Variants in ADAMTSL3 observed in about 807,000 individuals in gnomAD.
The protein encoded by ADAMTSL3 is ADAMTS like 3.
A neutral mutation model predicts 201.7 loss-of-function variants in ADAMTSL3; 128 were observed. The ratio of observed to expected loss-of-function variants is 0.63; its 90% CI spans 0.55 to 0.73. The LOEUF is 0.73. Among genes scored for constraint, ADAMTSL3 ranks in the 30% least tolerant of loss-of-function variants. ADAMTSL3 has a pLI of 0.00. For synonymous variants in ADAMTSL3, 738 were observed against 748.4 expected (o/e 0.99, Z 0.23); for missense variants, 1,990 against 2,119.6 (o/e 0.94, Z 1.20).
intron 2 of ADAMTSL3, among the ~76,000 whole-genome samples, chr15:83,660,754 T>C (rs1346818588): frequency 6.6e-6 from 1 of 152,198 alleles, no homozygotes; most frequent in East Asian, 1.9e-4. Flanking sequence ...TGATGGTAGT[T>C]TCTTTTGCCG....
At chr15:83,753,903 T>C (rs1473526947) in intron 3 of ADAMTSL3, among the ~76,000 whole-genome samples, 1 of 152,226 alleles carries the variant, frequency 6.6e-6, no homozygotes, top group African/African-American at 2.4e-5. Flanking sequence ...GTTTGCGTTG[T>C]TATAACTTTA....
At chr15:83,853,180 A>T (rs2064656592) in intron 7 of ADAMTSL3, among the ~76,000 whole-genome samples, 1 of 152,170 alleles carries the variant, frequency 6.6e-6, no homozygotes, top group Admixed American at 6.5e-5. Flanking sequence ...TTAAAAGTTC[A>T]TTCCAACATA....
At chr15:83,997,900 C>A (rs1049780796) in intron 23 of ADAMTSL3, among the ~76,000 whole-genome samples, 1 of 151,960 alleles carries the variant, frequency 6.6e-6, no homozygotes, top group East Asian at 1.9e-4. Flanking sequence ...ACCATTGGTC[C>A]TTTGCAGGAA....
chr15:83,728,208 A>C (rs2062209705), intron 3 of ADAMTSL3, among the ~76,000 whole-genome samples: 1 of 151,536 alleles, frequency 6.6e-6, no homozygotes, highest in Non-Finnish European at 1.5e-5. Context: ...ATTGACATGG[A>C]ATATCTTTTT....
chr15:83,823,947 T>A lies in ADAMTSL3; in HGVS notation c.600+3900T>A, dbSNP rs1040883079. 3.1e-5 allele frequency among the ~76,000 whole-genome samples: 3 copies of A among 95,880 alleles called. 1 individual carries two copies. Among genetic ancestry groups the A allele is most frequent in the African/African-American group, 1.1e-4 (3 of 27,724 alleles). 62.9% of individuals were successfully genotyped at this position (95,880 alleles called of 152,430 possible). ...CTTCTTCTTCTTCTTCTTCTTCTTC[T>A]TCTTCTTCTTCTTCTTCTTCTTCTT... On this transcript the variant is annotated intron_variant, in intron 6 of 29. Coordinates refer to ENST00000286744, the MANE Select transcript of ADAMTSL3 (RefSeq NM_207517.3).
Position 83,925,692 on chromosome 15 carries a change from C to A in ADAMTSL3, c.2117+1659C>A, listed in dbSNP as rs546340486. On this transcript the variant is annotated intron_variant, in intron 17 of 29. Transcript: ENST00000286744. Reference sequence around the variant, plus strand: ...TGAATATATATTCACTTGGAATGACCCTTCTATCTTTAGAGAAATAGCACT... The same window carrying A: ...TGAATATATATTCACTTGGAATGACACTTCTATCTTTAGAGAAATAGCACT... Among the ~76,000 whole-genome samples the A allele has an allele frequency of 1.6e-4, 24 of 152,184 alleles. 1 individual carries two copies. The South Asian group carries it at 4.6e-3, about 29-fold the overall frequency.
At chr15:83,906,002 C>T (rs745500981) in intron 15 of ADAMTSL3, among the ~76,000 whole-genome samples, 1 of 151,988 alleles carries the variant, frequency 6.6e-6, no homozygotes, top group Non-Finnish European at 1.5e-5. Context: ...TAATCTCAAT[C>T]TAACAATTTT....
chr15:83,974,943 A>G (rs1202028710), intron 20 of ADAMTSL3, among the ~76,000 whole-genome samples: 1 of 138,986 alleles, frequency 7.2e-6, no homozygotes, highest in African/African-American at 2.7e-5. Flanking sequence ...TCTCAAATCT[A>G]CTCTCATCTC....
chr15:83,814,543 C>T (rs2063744478), intron 5 of ADAMTSL3, among the ~76,000 whole-genome samples: 1 of 152,210 alleles, frequency 6.6e-6, no homozygotes, highest in Non-Finnish European at 1.5e-5. Flanking sequence ...GTTTACATCA[C>T]ACCATCCTTT....
At position 83,875,811 on chromosome 15, in the gene ADAMTSL3, A is replaced by G. The variant is rs996219124; in HGVS notation, c.960+4852A>G. Among the ~76,000 whole-genome samples, 5 of 152,022 alleles carry G rather than the reference A, an allele frequency of 3.3e-5. No homozygotes were observed. The South Asian group carries it at 8.3e-4, about 25-fold the overall frequency. On this transcript the variant is annotated intron_variant, in intron 9 of 29. Transcript: ENST00000286744. The stretch of plus-strand genomic sequence containing the variant: ...AATAAAATAAAATAAAATAAATAAA[A>G]AAAAGAACAATCAGGATGTATGTGT...
intron 9 of ADAMTSL3, among the ~76,000 whole-genome samples, chr15:83,882,813 G>A (rs894168403): frequency 1.3e-5 from 2 of 151,968 alleles, no homozygotes; most frequent in African/African-American, 4.8e-5. Context: ...ATTTTTCTAG[G>A]TAATCATATT....
In ADAMTSL3 at chr15:83,810,158, A is replaced by G. The variant is rs944128719; in HGVS notation, c.363+5463A>G. Among the ~76,000 whole-genome samples the G allele has an allele frequency of 2.0e-5, 3 of 152,352 alleles. No individual in the cohort carries two copies. In the South Asian group the frequency reaches 6.2e-4, roughly 32 times the overall value. ...CAAACTCAAATATCACTTAGCCAGA[A>G]GTAACCAGATTTTTATCAACCGAGT... On this transcript the variant is annotated intron_variant, in intron 5 of 29. Transcript: ENST00000286744.
intron 22 of ADAMTSL3, 91 bp from the exon 23 acceptor site, chr15:83,990,995 A>G: frequency 6.4e-7 from 1 of 1,569,262 alleles, no homozygotes; most frequent in Non-Finnish European, 8.7e-7. Flanking sequence ...CCTGCCCTCA[A>G]AGGGCTCAAC....
At chr15:83,752,188 T>C (rs2062646925) in intron 3 of ADAMTSL3, among the ~76,000 whole-genome samples, 1 of 152,206 alleles carries the variant, frequency 6.6e-6, no homozygotes, top group Non-Finnish European at 1.5e-5. Flanking sequence ...AAAGAGAAGA[T>C]GCTCTGTTTG....
intron 2 of ADAMTSL3, among the ~76,000 whole-genome samples, chr15:83,658,466 A>T (rs1332753851): frequency 6.6e-6 from 1 of 152,226 alleles, no homozygotes; most frequent in Non-Finnish European, 1.5e-5. Context: ...TTCACTGCCC[A>T]CAAATAATTG....
chr15:83,659,202 T>G (rs1488034935), intron 2 of ADAMTSL3, among the ~76,000 whole-genome samples: 1 of 152,332 alleles, frequency 6.6e-6, no homozygotes, highest in South Asian at 2.1e-4. Context: ...TTCATAGATA[T>G]CTACTGGAAC....
chr15:83,905,221 G>A (rs2065809638), intron 15 of ADAMTSL3, among the ~76,000 whole-genome samples: 1 of 152,232 alleles, frequency 6.6e-6, no homozygotes, highest in Non-Finnish European at 1.5e-5. Flanking sequence ...ATCTAATGGA[G>A]TAGACAGAGA....
chr15:83,824,964 C>G (rs548177918), intron 6 of ADAMTSL3: 5 of 152,012 alleles, frequency 3.3e-5, no homozygotes, highest in Admixed American at 3.3e-4. Context: ...TGTATCATAC[C>G]AATTTTAGAA....
intron 3 of ADAMTSL3, among the ~76,000 whole-genome samples, chr15:83,771,496 A>T (rs1191169759): frequency 6.6e-6 from 1 of 152,202 alleles, no homozygotes; most frequent in East Asian, 1.9e-4. Flanking sequence ...TGCTTCAATG[A>T]GTCGGTCTAT....
Sources: allele counts gnomAD v4.1 joint callset (sites outside exome capture counted in the v4.1 genomes callset), GRCh38; gene constraint gnomAD v4.1.1; transcripts MANE v1.5; gene names NCBI Gene and HGNC (gene_info 2026-07-23, HGNC 2026-07-21).